Variants in ULK4 observed in about 807,000 individuals in gnomAD.
ULK4 encodes unc-51 like kinase 4.
ULK4 carries 133 observed loss-of-function variants against 160.6 expected under a neutral mutation model. The ratio of observed to expected loss-of-function variants is 0.83; its 90% CI spans 0.72 to 0.96. The LOEUF is 0.96. Among genes scored for constraint, ULK4 ranks in the 40% least tolerant of loss-of-function variants. The probability of loss-of-function intolerance (pLI) is 0.00; values close to 1 mark genes in which losing one functional copy is unlikely to be tolerated. For missense variants in ULK4, 1,580 were observed against 1,499.5 expected, an observed-to-expected ratio of 1.05 and a Z score of -0.89; for synonymous variants, 534 against 539.8, an observed-to-expected ratio of 0.99 and a Z score of 0.15.
intron 32 of ULK4, among the ~76,000 whole-genome samples, chr3:41,491,699 A>AC (rs2084771933): frequency 9.3e-6 from 1 of 107,858 alleles, no homozygotes; most frequent in Non-Finnish European, 2.2e-5. Context: ...GAATTTTTAT[A>AC]TTTTTTTTTA....
chr3:41,707,859 T>C (rs1368703854), intron 25 of ULK4, among the ~76,000 whole-genome samples: 1 of 149,930 alleles, frequency 6.7e-6, no homozygotes, highest in African/African-American at 2.4e-5. Context: ...GTCAAAGGAT[T>C]GAATAGACAT....
intron 34 of ULK4, among the ~76,000 whole-genome samples, chr3:41,445,801 G>C (rs574652076): frequency 0.01 from 1,593 of 152,098 alleles, 21 homozygotes; most frequent in African/African-American, 0.037. Flanking sequence ...TACCATTCAG[G>C]ACATAGGCAT....
intron 2 of ULK4, among the ~76,000 whole-genome samples, chr3:41,941,425 A>C (rs1016612937): frequency 6.6e-6 from 1 of 151,232 alleles, no homozygotes; most frequent in African/African-American, 2.4e-5. Context: ...ATATATGCAG[A>C]GCTCCCCATT....
In ULK4 at chr3:41,705,696, T is replaced by C. The variant is rs778782658; in HGVS notation, c.2635-391A>G. On this transcript the variant is annotated intron_variant, in intron 25 of 36. Transcript: ENST00000301831. ...TTTTTAGTAGAGATGGGGTTTCTCA[T>C]GTTGGTCACGCTGGTCTCAAACTCC... Among the ~76,000 whole-genome samples the C allele has an allele frequency of 6.0e-4, 91 of 152,234 alleles. 1 individual carries two copies. The highest frequency in any genetic ancestry group is 3.4e-3 in the Middle Eastern group (1 of 294).
rs189836950 is a variant in ULK4 at position 41,265,049 on chromosome 3, A to G, written c.3679-15475T>C. ...CTCCAGAGGCATCAAGTTGGGATTT[A>G]TAAGGCAGGACAGAAGGACTCCACG... is the stretch of plus-strand genomic sequence containing the variant. On this transcript the variant is annotated intron_variant, in intron 35 of 36. Transcript: ENST00000301831. Among the ~76,000 whole-genome samples, 13 of 152,324 alleles carry G rather than the reference A, an allele frequency of 8.5e-5. No homozygotes were observed. The East Asian group carries it at 2.5e-3, about 29-fold the overall frequency.
chr3:41,828,758 C>A (rs145897424), intron 18 of ULK4, among the ~76,000 whole-genome samples: 18,406 of 151,884 alleles, frequency 0.12, 1,301 homozygotes, highest in Middle Eastern at 0.27. Context: ...CCCCATCAAG[C>A]TACCAATGAC....
intron 19 of ULK4, among the ~76,000 whole-genome samples, chr3:41,811,898 A>T (rs76613413): frequency 0.055 from 8,418 of 152,258 alleles, 420 homozygotes; most frequent in East Asian, 0.16. Flanking sequence ...AGTAATTTTC[A>T]GTAGCTTTCT....
chr3:41,423,450 A>T (rs1050814652), intron 34 of ULK4, among the ~76,000 whole-genome samples: 1 of 152,214 alleles, frequency 6.6e-6, no homozygotes, highest in African/African-American at 2.4e-5. Flanking sequence ...TGGAAAAGAT[A>T]GGACGGGCTC....
At chr3:41,268,809 CACACAA>C (rs1231356883) in intron 35 of ULK4, among the ~76,000 whole-genome samples, 1 of 71,594 alleles carries the variant, frequency 1.4e-5, no homozygotes, top group Non-Finnish European at 2.6e-5. Context: ...GTCTCACACA[CACACAA>C]AAAAAAAAAA....
chr3:41,838,423 C>T (rs2041821894), intron 17 of ULK4, among the ~76,000 whole-genome samples: 2 of 151,982 alleles, frequency 1.3e-5, no homozygotes, highest in South Asian at 4.1e-4. Context: ...AAAACGGTGA[C>T]ACCAGTAGAC....
chr3:41,646,402 T>C (rs569030953), intron 30 of ULK4, among the ~76,000 whole-genome samples: 3 of 152,332 alleles, frequency 2.0e-5, no homozygotes, highest in Middle Eastern at 3.4e-3. Context: ...TGACAAAACC[T>C]GTCAGCATTT....
intron 32 of ULK4, among the ~76,000 whole-genome samples, chr3:41,491,610 A>C (rs1003456881): frequency 1.2e-4 from 18 of 152,186 alleles, no homozygotes; most frequent in South Asian, 4.1e-4. Context: ...CTACTCCCAC[A>C]ACTTATAACA....
At chr3:41,921,609 C>G (rs542060724) in intron 5 of ULK4, among the ~76,000 whole-genome samples, 1 of 151,296 alleles carries the variant, frequency 6.6e-6, no homozygotes, top group African/African-American at 2.5e-5. Flanking sequence ...AGCGAGACTC[C>G]GTCTCTAAAT....
At chr3:41,643,252 A>G (rs1173581529) in intron 30 of ULK4, among the ~76,000 whole-genome samples, 3 of 152,108 alleles carry the variant, frequency 2.0e-5, no homozygotes, top group Non-Finnish European at 4.4e-5. Flanking sequence ...TGTTTTAGAC[A>G]TGAAGTCCTT....
In ULK4 at chr3:41,819,518, T is replaced by C; in HGVS notation, c.1765-12A>G. On this transcript the variant is annotated splice_polypyrimidine_tract_variant and intron_variant, in intron 18 of 36. Coordinates refer to ENST00000301831, the MANE Select transcript of ULK4 (RefSeq NM_017886.4). ...TTTTTTTTTTCTTCCTAAAATGAAG[T>C]GGGAAAAAAAAAGGCAGTGAAGCTA... 21 of 1,567,236 alleles carry C rather than the reference T, an allele frequency of 1.3e-5. No individual in the cohort carries two copies. The highest frequency in any genetic ancestry group is 1.7e-5 in the Non-Finnish European group (20 of 1,170,494).
intron 35 of ULK4, among the ~76,000 whole-genome samples, chr3:41,308,859 G>A (rs1035690362): frequency 9.9e-5 from 15 of 152,228 alleles, no homozygotes; most frequent in Middle Eastern, 3.4e-3. Flanking sequence ...TAAGGGATAC[G>A]CAACCTGTAT....
intron 21 of ULK4, among the ~76,000 whole-genome samples, chr3:41,787,936 C>T (rs942765462): frequency 6.6e-6 from 1 of 152,104 alleles, no homozygotes; most frequent in Non-Finnish European, 1.5e-5. Flanking sequence ...CATGCCTGTG[C>T]TGAAGGTAAA....
intron 32 of ULK4, among the ~76,000 whole-genome samples, chr3:41,553,561 T>A (rs1225758816): frequency 6.6e-6 from 1 of 152,074 alleles, no homozygotes; most frequent in East Asian, 1.9e-4. Flanking sequence ...TTACTCCAGT[T>A]AGAATGGCTA....
chr3:41,557,488 A>G (rs1314910218), intron 32 of ULK4, among the ~76,000 whole-genome samples: 1 of 152,032 alleles, frequency 6.6e-6, no homozygotes, highest in Non-Finnish European at 1.5e-5. Flanking sequence ...GCGGCCAGGC[A>G]TGGTGGCTCA....
Sources: gnomAD v4.1 joint callset for allele counts (sites outside exome capture counted in the v4.1 genomes callset) on GRCh38, gnomAD v4.1.1 for gene constraint, MANE v1.5 for transcripts, NCBI Gene and HGNC (gene_info 2026-07-23, HGNC 2026-07-21) for gene names.